The following ARHGEF1 variants were observed in gnomAD, a reference collection of about 807,000 sequenced individuals.
ARHGEF1 encodes the protein 115 kDa guanine nucleotide exchange factor.
ARHGEF1 carries 40 observed loss-of-function variants against 119.7 expected under a neutral mutation model. The ratio of observed to expected loss-of-function variants is 0.33; its 90% CI spans 0.26 to 0.44. The LOEUF is 0.44. ARHGEF1 is among the 20% of genes least tolerant of loss of function. The pLI, the probability that ARHGEF1 is intolerant of heterozygous loss-of-function variation, is 1.00. For missense variants in ARHGEF1, 976 were observed against 1,268.3 expected (o/e 0.77, Z 3.50); for synonymous variants, 494 against 521.0 (o/e 0.95, Z 0.71).
chr19:41,905,584 C>G lies in ARHGEF1; in HGVS notation c.2337-176C>G. ...CACCACTGCCCCGTCTGTCTCCTGT[C>G]TCCAGGCCTCTGTGTCTTCCATTGT... On this transcript the variant is annotated intron_variant, in intron 24 of 28. Coordinates refer to ENST00000354532, the MANE Select transcript of ARHGEF1 (RefSeq NM_004706.4). This position sits in a 1 kb window ranked among gnomAD's most constrained non-coding sequence, Gnocchi z 6.4. 1 of 670,550 alleles carries G rather than the reference C, an allele frequency of 1.5e-6. No homozygotes were observed. The highest frequency in any genetic ancestry group is 2.7e-5 in the East Asian group (1 of 36,812). The allele number at this position is 670,550 out of a possible 1,614,324, so 41.5% of individuals were successfully genotyped here.
At position 41,894,292 on chromosome 19, in the gene ARHGEF1, T is replaced by G; in HGVS notation, c.730T>G (p.Phe244Val). The G allele has an allele frequency of 6.4e-7, 1 of 1,560,772 alleles. No homozygotes were observed. The highest frequency in any genetic ancestry group is 8.7e-7 in the Non-Finnish European group (1 of 1,148,734). Residue 244 changes from phenylalanine to valine, a missense_variant, in exon 9 of 29, where the codon TTC becomes GTC. Physicochemically the swap from Phe to Val is conservative, Grantham distance 50. Transcript: ENST00000354532. ...KSGDKKSGRN[F>V]FRKKVMGNRR... ...TGGAGACAAGAAGTCGGGGAGGAAC[T>G]TCTTCCGGAAAAAGGTGCTTCCCTC...
downstream of ARHGEF1, among the ~76,000 whole-genome samples, chr19:41,912,270 A>G (rs569937800): frequency 1.3e-5 from 2 of 152,190 alleles, no homozygotes; most frequent in African/African-American, 2.4e-5. Flanking sequence ...ACACACTGAA[A>G]TGAGACCCCA....
downstream of ARHGEF1, chr19:41,908,797 C>T (rs1459283928): frequency 7.8e-6 from 4 of 511,118 alleles, no homozygotes; most frequent in African/African-American, 4.0e-5. This position sits in a 1 kb window ranked among gnomAD's most constrained non-coding sequence, Gnocchi z 6.7. Context: ...GGCATCTTAC[C>T]CCCTCATACA....
At chr19:41,921,297 C>T (rs957176189), upstream of ARHGEF1, among the ~76,000 whole-genome samples, 6 of 151,586 alleles carry the variant, frequency 4.0e-5, no homozygotes, top group African/African-American at 4.9e-5. This position sits in a 1 kb window ranked among gnomAD's most constrained non-coding sequence, Gnocchi z 4.4. Flanking sequence ...GAAGAGAGAC[C>T]GAGGGGGTGG....
chr19:41,908,344 T>C, downstream of ARHGEF1: 2 of 1,231,440 alleles, frequency 1.6e-6, no homozygotes, highest in Non-Finnish European at 2.0e-6. The surrounding 1 kb of genome is among the most constrained non-coding windows in gnomAD (Gnocchi z 6.7). Flanking sequence ...TCCGAGTCGC[T>C]GTCCTCCTTC....
chr19:41,896,408 A>G lies in ARHGEF1; in HGVS notation c.1047A>G (p.Ser349=). The G allele has an allele frequency of 1.4e-6, 2 of 1,443,064 alleles. No homozygotes were observed. Among genetic ancestry groups the G allele is most frequent in the Non-Finnish European group, 1.8e-6 (2 of 1,097,092 alleles). The allele number at this position is 1,443,064 out of a possible 1,614,324, so 89.4% of individuals were successfully genotyped here. The change falls in exon 13 of 29, where the codon TCA becomes TCG. Residue 349 remains serine, a synonymous_variant. Coordinates refer to ENST00000354532, the MANE Select transcript of ARHGEF1 (RefSeq NM_004706.4). The part of the protein sequence containing the change: ...GADAPLELGD[S]SPQGPMSLES... ...ACGCCCCCCTGGAGCTGGGGGACTCATCCCCGCAGGGCCCAATGAGCCTGG... is the reference window on the plus strand; with the variant it reads ...ACGCCCCCCTGGAGCTGGGGGACTCGTCCCCGCAGGGCCCAATGAGCCTGG...
In ARHGEF1 at chr19:41,916,338, C is replaced by A. The variant is rs1412300560; in HGVS notation, c.1866-6754C>A. Among the ~76,000 whole-genome samples the A allele has an allele frequency of 6.6e-6, 1 of 152,038 alleles. No individual in the cohort carries two copies. Among genetic ancestry groups the A allele is most frequent in the Non-Finnish European group, 1.5e-5 (1 of 68,008 alleles). Reference sequence around the variant, plus strand: ...CACATCACACACACCAACAAAGCAACGCATACCACTGCTGCCACACACAAC... The same window carrying A: ...CACATCACACACACCAACAAAGCAAAGCATACCACTGCTGCCACACACAAC... On this transcript the variant is annotated intron_variant, in intron 18 of 20. Transcript: ENST00000599589. This position sits in a 1 kb window ranked among gnomAD's most constrained non-coding sequence, Gnocchi z 5.4.
rs2074641115 is a variant in ARHGEF1, at chr19:41,903,648, C to G, written c.1840-59C>G. The G allele has an allele frequency of 1.9e-6, 3 of 1,555,014 alleles. No homozygotes were observed. The highest frequency in any genetic ancestry group is 1.1e-5 in the South Asian group (1 of 89,502). ...TGGCTCTCATCTTACCAATGTGGGT[C>G]ACTGCAGGTCAGCCCCAGCACTTAG... On this transcript the variant is annotated intron_variant, in intron 19 of 28. Coordinates refer to ENST00000354532, the MANE Select transcript of ARHGEF1 (RefSeq NM_004706.4). The surrounding 1 kb of genome is among the most constrained non-coding windows in gnomAD (Gnocchi z 4.2).
At position 41,904,347 on chromosome 19, in the gene ARHGEF1, C is replaced by T. The variant is rs1555849687; in HGVS notation, c.2125C>T (p.Arg709Trp). Residue 709 changes from arginine (R) to tryptophan (W), a missense_variant, in exon 22 of 29, where the codon CGG becomes TGG. Transcript: ENST00000354532. The surrounding 1 kb of genome is among the most constrained non-coding windows in gnomAD (Gnocchi z 8.4). ...CAAGACCATGCTGCGGCCCGTGCTG[C>T]GGCTCACCTCCGCCATGACCCGCGA... ...DGKTMLRPVL[R>W]LTSAMTREVA... 1.9e-6 allele frequency: 3 copies of T among 1,595,942 alleles called. No individual in the cohort carries two copies. Among genetic ancestry groups the T allele is most frequent in the South Asian group, 2.2e-5 (2 of 89,108 alleles).
intron 13 of ARHGEF1, chr19:41,897,254 C>T (rs1396608471): frequency 1.1e-5 from 14 of 1,278,502 alleles, no homozygotes; most frequent in African/African-American, 7.7e-5. Flanking sequence ...TTGGTGGGTG[C>T]GGGGAGGTGG....
intron 1 of ARHGEF1, chr19:41,884,306 A>T: frequency 9.9e-7 from 1 of 1,013,274 alleles, no homozygotes; most frequent in Non-Finnish European, 1.4e-6. Flanking sequence ...CGGGAGGAGT[A>T]GAGTCGTCGG....
At chr19:41,898,050 G>C in intron 13 of ARHGEF1, 1 of 1,338,984 alleles carries the variant, frequency 7.5e-7, no homozygotes, top group Non-Finnish European at 9.5e-7. Flanking sequence ...GGCCGCTCCC[G>C]GAGCGACGTG....
intron 18 of ARHGEF1, among the ~76,000 whole-genome samples, chr19:41,914,466 TTCTCCATCTGTC>T (rs1335861884): frequency 6.6e-6 from 1 of 151,698 alleles, no homozygotes; most frequent in Admixed American, 6.6e-5. Flanking sequence ...CCCCTGCTTC[TTCTCCATCTGTC>T]TCTCCATCTT....
intron 13 of ARHGEF1, chr19:41,897,364 C>T: frequency 2.5e-6 from 3 of 1,222,084 alleles, no homozygotes; most frequent in Non-Finnish European, 3.2e-6. Context: ...AGGGCTAGCC[C>T]CTCCCCCATT....
upstream of ARHGEF1, among the ~76,000 whole-genome samples, chr19:41,922,719 G>A (rs1219546924): frequency 3.3e-5 from 5 of 152,178 alleles, no homozygotes; most frequent in Admixed American, 1.3e-4. Flanking sequence ...CACAAGGGCC[G>A]GGGTCCAGCC....
chr19:41,903,807 C>T lies in ARHGEF1; in HGVS notation c.1917+23C>T. On this transcript the variant is annotated intron_variant, in intron 20 of 28. Transcript: ENST00000354532. The surrounding 1 kb of genome is among the most constrained non-coding windows in gnomAD (Gnocchi z 4.2). ...AAGGTGTGACCATACCCTCCTGCCT[C>T]CCCCGCCCCCCTACTCCTTGGCCCA... 1 of 1,609,822 alleles carries T rather than the reference C, an allele frequency of 6.2e-7. No homozygotes were observed. Among genetic ancestry groups the T allele is most frequent in the South Asian group, 1.1e-5 (1 of 91,024 alleles).
Position 41,895,410 on chromosome 19 carries a change from T to C in ARHGEF1, c.939T>C (p.Asn313=), listed in dbSNP as rs781863162. ...GGVGMPSRDR[N]IGAPGQDTPG... The stretch of plus-strand genomic sequence containing the variant: ...TGGGGATGCCCTCTCGGGACCGGAA[T>C]ATCGGGGCTCCTGGGCAGGACACCC... The change falls in exon 12 of 29, where the codon AAT becomes AAC. Residue 313 remains asparagine (N), a synonymous_variant. Coordinates refer to ENST00000354532, the MANE Select transcript of ARHGEF1 (RefSeq NM_004706.4). The C allele has an allele frequency of 1.2e-6, 2 of 1,612,646 alleles. No individual in the cohort carries two copies. The highest frequency in any genetic ancestry group is 4.5e-5 in the East Asian group (2 of 44,856).
downstream of ARHGEF1, chr19:41,908,459 C>T (rs2074731757): frequency 1.5e-5 from 18 of 1,231,478 alleles, no homozygotes; most frequent in East Asian, 5.4e-4. This position sits in a 1 kb window ranked among gnomAD's most constrained non-coding sequence, Gnocchi z 6.7. Flanking sequence ...CTGTCGAGGC[C>T]AGCAGGGGCG....
chr19:41,929,856 G>A (rs2074894616), exon 3 of ARHGEF1: 1 of 152,256 alleles, frequency 6.6e-6, no homozygotes, highest in Non-Finnish European at 1.5e-5. Context: ...TGAGACCGAG[G>A]TGCTGAGAGG....
Sources: gnomAD v4.1 joint callset for allele counts (sites outside exome capture counted in the v4.1 genomes callset) on GRCh38, gnomAD v4.1.1 for gene constraint, Gnocchi (gnomAD v3.1) non-coding constraint, MANE v1.5 for transcripts, NCBI Gene and HGNC (gene_info 2026-07-23, HGNC 2026-07-21) for gene names.